Variants in SYNE2 observed in about 807,000 individuals in gnomAD.
The protein encoded by SYNE2 is spectrin repeat containing nuclear envelope protein 2.
In SYNE2, 431 loss-of-function variants were observed where a neutral mutation model predicts 856.3. That is an observed-to-expected ratio of 0.50 (90% CI 0.47 to 0.55). The LOEUF (loss-of-function observed/expected upper bound fraction) is 0.55, where lower values mean the gene tolerates loss of function less well. Among genes scored for constraint, SYNE2 ranks in the 20% least tolerant of loss-of-function variants. The pLI, the probability that SYNE2 is intolerant of heterozygous loss-of-function variation, is 0.00. For missense variants in SYNE2, 8,129 were observed against 8,023.2 expected (o/e 1.01, Z -0.50); for synonymous variants, 2,923 against 2,872.3 (o/e 1.02, Z -0.56).
chr14:63,957,345 C>T (rs977610508), intron 8 of SYNE2, among the ~76,000 whole-genome samples: 1 of 149,222 alleles, frequency 6.7e-6, no homozygotes, highest in African/African-American at 2.5e-5. Flanking sequence ...CTTGGCTCAC[C>T]GCAGCTTCCA....
chr14:63,839,417 G>T (rs1889971982), intron 1 of SYNE2, among the ~76,000 whole-genome samples: 1 of 152,050 alleles, frequency 6.6e-6, no homozygotes, highest in Admixed American at 6.6e-5. Context: ...TAATAAGATT[G>T]AGCATTACCA....
rs553320387 is a variant in SYNE2, at chr14:64,184,214, G to A, written c.17557-2210G>A. On this transcript the variant is annotated intron_variant, in intron 96 of 115. Coordinates refer to ENST00000555002, the MANE Select transcript of SYNE2 (RefSeq NM_182914.3). ...ATTTTGGTATCTGAAAACTTGCTGT[G>A]CAGCAGCACCATGGCAGGTTCTGGG... Among the ~76,000 whole-genome samples, 70 of 152,216 alleles carry A rather than the reference G, an allele frequency of 4.6e-4. 1 individual carries two copies. Among genetic ancestry groups the A allele is most frequent in the East Asian group, 3.9e-4 (2 of 5,178 alleles).
rs774114724 is a variant in SYNE2, at chr14:64,051,730, G to T, written c.7817G>T (p.Gly2606Val). ...AGCCAGATTAAGCAACTTGAACATG[G>T]TTGGGAACAAGTGGAACAGCAGATT... ...LESQIKQLEHGWEQVEQQIQK... is the reference protein window; with the variant it reads ...LESQIKQLEHVWEQVEQQIQK... Residue 2606 changes from glycine to valine, a missense_variant, in exon 48 of 116, where the codon GGT (glycine) becomes GTT (valine). Gly to Val is a moderately radical substitution (Grantham distance 109). This residue lies in a region of SYNE2 where 5,410 missense variants were observed against 5,284.8 expected (regional missense o/e 1.02). Coordinates refer to ENST00000555002, the MANE Select transcript of SYNE2 (RefSeq NM_182914.3). The T allele has an allele frequency of 6.2e-7, 1 of 1,614,194 alleles. No homozygotes were observed. Among genetic ancestry groups the T allele is most frequent in the Non-Finnish European group, 8.5e-7 (1 of 1,180,024 alleles).
chr14:63,782,632 C>T (rs749574359), intron 1 of SYNE2, among the ~76,000 whole-genome samples: 7 of 151,326 alleles, frequency 4.6e-5, no homozygotes, highest in Admixed American at 1.3e-4. Context: ...TCTGTGAGCC[C>T]GTATTGATAA....
intron 64 of SYNE2, 48 bp downstream of exon 64, chr14:64,102,090 G>T: frequency 7.6e-7 from 1 of 1,316,096 alleles, no homozygotes; most frequent in Non-Finnish European, 1.1e-6. Flanking sequence ...AGGGCCCAGG[G>T]GGGAGCAGGG....
chr14:64,199,385 G>A (rs1055723659), intron 99 of SYNE2, among the ~76,000 whole-genome samples: 6 of 152,072 alleles, frequency 3.9e-5, no homozygotes, highest in East Asian at 1.9e-4. Flanking sequence ...TCTGTGCCTC[G>A]GTTTCCTCAT....
intron 30 of SYNE2, among the ~76,000 whole-genome samples, chr14:64,003,554 C>A (rs1207564526): frequency 6.6e-6 from 1 of 152,096 alleles, no homozygotes; most frequent in Admixed American, 6.5e-5. Flanking sequence ...TAAAGTGTAT[C>A]TTATGGATGA....
chr14:63,873,950 G>C (rs1002928161), intron 1 of SYNE2: 1 of 152,232 alleles, frequency 6.6e-6, no homozygotes, highest in Non-Finnish European at 1.5e-5. Flanking sequence ...ACTTGACAGA[G>C]GTACATAGGA....
chr14:64,195,082 T>C (rs1282735983), intron 99 of SYNE2, among the ~76,000 whole-genome samples: 1 of 152,198 alleles, frequency 6.6e-6, no homozygotes, highest in Non-Finnish European at 1.5e-5. Context: ...CACATCTTGA[T>C]GAATTCTTTT....
At chr14:64,021,192 C>A in intron 35 of SYNE2, 123 bp from the exon 36 acceptor site, 1 of 789,352 alleles carries the variant, frequency 1.3e-6, no homozygotes, top group Non-Finnish European at 2.2e-6. Flanking sequence ...AAACGTAGAG[C>A]AATGAAAAGA....
intron 1 of SYNE2, among the ~76,000 whole-genome samples, chr14:63,770,006 C>T (rs766511905): frequency 4.6e-4 from 70 of 152,100 alleles, no homozygotes; most frequent in Non-Finnish European, 7.8e-4. Context: ...CCTTGACCTC[C>T]GCGGACAAGC....
Position 64,006,073 on chromosome 14 carries a change from A to G in SYNE2, c.4398-970A>G, listed in dbSNP as rs79792044. On this transcript the variant is annotated intron_variant, in intron 30 of 115. Coordinates refer to ENST00000555002, the MANE Select transcript of SYNE2 (RefSeq NM_182914.3). Reference sequence around the variant, plus strand: ...TTGAGAGTGGAACAGGGATTTTGCAATGTGGAGGCCAGCTGTTTCAGTAGG... The same window carrying G: ...TTGAGAGTGGAACAGGGATTTTGCAGTGTGGAGGCCAGCTGTTTCAGTAGG... Among the ~76,000 whole-genome samples the G allele has an allele frequency of 2.5e-3, 380 of 152,318 alleles. 1 individual carries two copies. The highest frequency in any genetic ancestry group is 8.0e-3 in the African/African-American group (334 of 41,578).
chr14:64,006,787 C>T (rs761686558), intron 30 of SYNE2, among the ~76,000 whole-genome samples: 3 of 152,140 alleles, frequency 2.0e-5, no homozygotes, highest in Non-Finnish European at 4.4e-5. Context: ...GAGATTGCGC[C>T]ACTGCACTCA....
At chr14:63,823,629 T>TC (rs1210476477) in intron 1 of SYNE2, among the ~76,000 whole-genome samples, 1 of 151,904 alleles carries the variant, frequency 6.6e-6, no homozygotes, top group African/African-American at 2.4e-5. Flanking sequence ...GAACATTTTT[T>TC]TTTTTTTTTG....
intron 2 of SYNE2, among the ~76,000 whole-genome samples, chr14:63,932,559 T>C (rs2095774665): frequency 6.6e-6 from 1 of 151,420 alleles, no homozygotes; most frequent in Non-Finnish European, 1.5e-5. Context: ...AATACGAAAA[T>C]TAGGTGTGGT....
At chr14:64,068,923 C>T (rs1356947694) in intron 51 of SYNE2, among the ~76,000 whole-genome samples, 1 of 149,728 alleles carries the variant, frequency 6.7e-6, no homozygotes, top group Non-Finnish European at 1.5e-5. Context: ...TTCTCAATCA[C>T]TTACCAACTT....
chr14:64,190,328 C>T (rs2098512321), intron 99 of SYNE2, 91 bp downstream of exon 99: 3 of 1,537,656 alleles, frequency 2.0e-6, no homozygotes, highest in African/African-American at 1.4e-5. Context: ...CTAAGATGAT[C>T]CAGCAATTTT....
intron 1 of SYNE2, among the ~76,000 whole-genome samples, chr14:63,880,852 T>A (rs2094844318): frequency 6.7e-6 from 1 of 148,666 alleles, no homozygotes; most frequent in East Asian, 2.0e-4. Context: ...TAAAAAAAAT[T>A]TTTTTTTTTT....
chr14:64,107,583 C>T lies in SYNE2; in HGVS notation c.12585C>T (p.Ser4195=). ...ACACTGAGCAAGGCCCAGAATGTTC[C>T]CTAAGGCCCAACCAAACAGAAGAGG... ...SLNTEQGPEC[S]LRPNQTEEGT... The change falls in exon 65 of 116, where the codon TCC becomes TCT. Residue 4195 remains serine, a synonymous_variant. Transcript: ENST00000555002. 6.2e-7 allele frequency: 1 copy of T among 1,614,108 alleles called. No homozygotes were observed. Among genetic ancestry groups the T allele is most frequent in the East Asian group, 2.2e-5 (1 of 44,870 alleles).
Sources: allele counts gnomAD v4.1 joint callset (sites outside exome capture counted in the v4.1 genomes callset), GRCh38; gene constraint gnomAD v4.1.1; regional missense constraint gnomAD v4.1.1; transcripts MANE v1.5; gene names NCBI Gene and HGNC (gene_info 2026-07-23, HGNC 2026-07-21).